The following PNOC variants were observed in gnomAD, a reference collection of about 807,000 sequenced individuals.
The protein encoded by PNOC is nociceptin.
In PNOC, 10 loss-of-function variants were observed where a neutral mutation model predicts 15.6. That is an observed-to-expected ratio of 0.64 (90% CI 0.40 to 1.09). The LOEUF (loss-of-function observed/expected upper bound fraction) is 1.09, where lower values mean the gene tolerates loss of function less well. Ranked by LOEUF, PNOC falls within the 50% of genes least tolerant of loss-of-function variation. The pLI is 0.01. For synonymous variants in PNOC, 98 were observed against 88.5 expected, an observed-to-expected ratio of 1.11 and a Z score of -0.60; for missense variants, 220 against 223.9, an observed-to-expected ratio of 0.98 and a Z score of 0.11.
At chr8:28,318,421 TGAGCTTTGCAC>T (rs1170222911) in intron 1 of PNOC, among the ~76,000 whole-genome samples, 1 of 152,238 alleles carries the variant, frequency 6.6e-6, no homozygotes, top group Non-Finnish European at 1.5e-5. Flanking sequence ...TAACAAAAGA[TGAGCTTTGCAC>T]GGCATTCGCC....
chr8:28,339,001 C>T (rs773351554), intron 2 of PNOC, 39 bp from the exon 3 acceptor site: 7 of 1,518,752 alleles, frequency 4.6e-6, no homozygotes, highest in Non-Finnish European at 6.3e-6. Context: ...AACAGAGGTC[C>T]TTGTTCCTTC....
chr8:28,320,685 C>T (rs1030241552), intron 1 of PNOC, among the ~76,000 whole-genome samples: 1 of 151,784 alleles, frequency 6.6e-6, no homozygotes, highest in Non-Finnish European at 1.5e-5. Context: ...CCCGTCTCTA[C>T]TAAAAATACA....
intron 2 of PNOC, among the ~76,000 whole-genome samples, chr8:28,332,135 GA>G (rs1294372499): frequency 6.6e-6 from 1 of 152,196 alleles, no homozygotes; most frequent in Non-Finnish European, 1.5e-5. Flanking sequence ...CACAATGGGG[GA>G]CTAACACCTT....
rs540285979 is a variant in PNOC, at chr8:28,330,751, G to A, written c.126+1468G>A. On this transcript the variant is annotated intron_variant, in intron 2 of 3. Coordinates refer to ENST00000301908, the MANE Select transcript of PNOC (RefSeq NM_006228.5). The stretch of plus-strand genomic sequence containing the variant: ...AGATAACTCAACAGTGAACCCCTTA[G>A]TACCAAAATGCTCTCTTATATTTTA... 3.3e-5 allele frequency among the ~76,000 whole-genome samples: 5 copies of A among 151,932 alleles called. No homozygotes were observed. The East Asian group carries it at 9.7e-4, about 29-fold the overall frequency.
intron 2 of PNOC, among the ~76,000 whole-genome samples, chr8:28,334,501 A>T (rs895605309): frequency 5.3e-5 from 8 of 151,162 alleles, no homozygotes; most frequent in Admixed American, 1.3e-4. Context: ...CTCCAGTAGC[A>T]TTTTTTTTTC....
intron 1 of PNOC, among the ~76,000 whole-genome samples, chr8:28,328,536 T>A (rs1585831427): frequency 6.6e-6 from 1 of 152,092 alleles, no homozygotes; most frequent in Non-Finnish European, 1.5e-5. Flanking sequence ...GTTGGGGGCA[T>A]TCCTGGCTGC....
At chr8:28,331,064 C>T (rs1012356705) in intron 2 of PNOC, among the ~76,000 whole-genome samples, 7 of 152,150 alleles carry the variant, frequency 4.6e-5, no homozygotes, top group Admixed American at 4.6e-4. Context: ...TCTCCCACCT[C>T]CAGATAACAG....
chr8:28,326,789 G>T (rs1368646947), intron 1 of PNOC, among the ~76,000 whole-genome samples: 1 of 152,186 alleles, frequency 6.6e-6, no homozygotes, highest in African/African-American at 2.4e-5. Context: ...GAACCAGGGA[G>T]GTGATGGTTG....
intron 1 of PNOC, among the ~76,000 whole-genome samples, chr8:28,326,590 G>A (rs1292517720): frequency 7.1e-6 from 1 of 141,408 alleles, no homozygotes; most frequent in African/African-American, 2.4e-5. Context: ...AGCGGGACCT[G>A]GTAGCATATG....
chr8:28,342,521 A>C (rs1049904694), intron 3 of PNOC, among the ~76,000 whole-genome samples: 1 of 152,028 alleles, frequency 6.6e-6, no homozygotes, highest in African/African-American at 2.4e-5. Flanking sequence ...CTTTTCTGCT[A>C]CCCTTAGACT....
chr8:28,325,682 AAAAAG>A (rs1196020520), intron 1 of PNOC, among the ~76,000 whole-genome samples: 1 of 139,172 alleles, frequency 7.2e-6, no homozygotes, highest in Non-Finnish European at 1.7e-5. Context: ...GAAAAAAAAA[AAAAAG>A]AAAGACATTA....
intron 2 of PNOC, among the ~76,000 whole-genome samples, chr8:28,336,180 A>G (rs1801409199): frequency 6.6e-6 from 1 of 152,222 alleles, no homozygotes; most frequent in Admixed American, 6.5e-5. Flanking sequence ...TCTCAGTTCA[A>G]CTAACCTCTA....
chr8:28,317,982 C>T (rs191435728), intron 1 of PNOC, among the ~76,000 whole-genome samples: 21 of 152,264 alleles, frequency 1.4e-4, no homozygotes, highest in Non-Finnish European at 5.9e-5. Context: ...CGGGCGTGAC[C>T]TTGGTCTCCC....
At chr8:28,326,314 T>C (rs1388099999) in intron 1 of PNOC, among the ~76,000 whole-genome samples, 1 of 152,064 alleles carries the variant, frequency 6.6e-6, no homozygotes, top group Non-Finnish European at 1.5e-5. Context: ...ATTGCACCAC[T>C]GCACACCAGC....
chr8:28,340,762 C>T (rs1047157392), intron 3 of PNOC, among the ~76,000 whole-genome samples: 9 of 152,144 alleles, frequency 5.9e-5, no homozygotes, highest in African/African-American at 2.2e-4. Context: ...GGGGAGCTGG[C>T]GTGCCACATG....
chr8:28,321,170 C>T (rs1207093911), intron 1 of PNOC, among the ~76,000 whole-genome samples: 1 of 150,552 alleles, frequency 6.6e-6, no homozygotes, highest in African/African-American at 2.4e-5. Context: ...TTCTGAATAG[C>T]TAAGACTGCA....
At chr8:28,335,915 A>G (rs955742278) in intron 2 of PNOC, among the ~76,000 whole-genome samples, 3 of 129,488 alleles carry the variant, frequency 2.3e-5, no homozygotes, top group Non-Finnish European at 5.7e-5. Flanking sequence ...CTCTGTCTCC[A>G]AAGGAAAAAA....
At position 28,343,037 on chromosome 8, in the gene PNOC, G is replaced by A; in HGVS notation, c.*143G>A. ...TTCCCCAAGGCACTGAGCGCCTGCA[G>A]ATCCCGCAGGCTTCGTTTGCCTCCA... On this transcript the variant is annotated 3_prime_UTR_variant, in exon 4 of 4. Transcript: ENST00000301908. The A allele has an allele frequency of 2.0e-6, 2 of 982,712 alleles. No homozygotes were observed. Among genetic ancestry groups the A allele is most frequent in the Non-Finnish European group, 2.4e-6 (2 of 827,356 alleles). The allele number at this position is 982,712 out of a possible 1,614,324, so 60.9% of individuals were successfully genotyped here. A position where few individuals can be genotyped will look rare whatever the true frequency, so the allele number is the denominator to read the frequency against.
chr8:28,326,516 A>G (rs555847969), intron 1 of PNOC, among the ~76,000 whole-genome samples: 1 of 152,154 alleles, frequency 6.6e-6, no homozygotes, highest in Admixed American at 6.5e-5. Flanking sequence ...GCACTTCCCA[A>G]ACTTTGGCAT....
Sources: gnomAD v4.1 joint callset for allele counts (sites outside exome capture counted in the v4.1 genomes callset) on GRCh38, gnomAD v4.1.1 for gene constraint, MANE v1.5 for transcripts, NCBI Gene and HGNC (gene_info 2026-07-23, HGNC 2026-07-21) for gene names.